The following IAPP variants were observed in gnomAD, a reference collection of about 807,000 sequenced individuals.
The protein encoded by IAPP is islet amyloid polypeptide.
A neutral mutation model predicts 2.9 loss-of-function variants in IAPP; 4 were observed. That is an observed-to-expected ratio of 1.39 (90% CI 0.69 to 3.19). IAPP has a LOEUF of 3.19. Ranked by LOEUF, IAPP falls within the 30% of genes most tolerant of loss-of-function variation. IAPP has a pLI of 0.01. For synonymous variants in IAPP, 40 were observed against 42.1 expected, an observed-to-expected ratio of 0.95 and a Z score of 0.19; for missense variants, 114 against 105.3, an observed-to-expected ratio of 1.08 and a Z score of -0.36.
At chr12:21,363,563 G>A (rs922819512) in intron 1 of IAPP, among the ~76,000 whole-genome samples, 4 of 152,100 alleles carry the variant, frequency 2.6e-5, no homozygotes, top group African/African-American at 9.7e-5. Context: ...AACTGAAGTA[G>A]ATAGAGACAC....
At chr12:21,371,777 C>T (rs1456544425), upstream of IAPP, among the ~76,000 whole-genome samples, 4 of 151,932 alleles carry the variant, frequency 2.6e-5, no homozygotes, top group East Asian at 1.9e-4. Context: ...CAGAAGTGGG[C>T]GGATCACCTG....
In IAPP at chr12:21,373,562, T is replaced by C. The variant is rs1032048961; in HGVS notation, c.80+131T>C. On this transcript the variant is annotated intron_variant, in intron 2 of 2. Transcript: ENST00000240652. ...TACTTAAGAACAGTACCTTCAGCTA[T>C]TCCATTGTTCCTTGAATTCTGTGTT... is the stretch of plus-strand genomic sequence containing the variant. 51 of 720,216 alleles carry C rather than the reference T, an allele frequency of 7.1e-5. 1 individual carries two copies. The South Asian group carries it at 7.3e-4, about 10-fold the overall frequency. The allele number at this position is 720,216 out of a possible 1,614,324, so 44.6% of individuals were successfully genotyped here. A position where few individuals can be genotyped will look rare whatever the true frequency, so the allele number is the denominator to read the frequency against.
chr12:21,371,900 G>A (rs1029039666), upstream of IAPP, among the ~76,000 whole-genome samples: 2 of 152,058 alleles, frequency 1.3e-5, no homozygotes, highest in Non-Finnish European at 2.9e-5. Flanking sequence ...TACTCTGTAG[G>A]CTGAGGCAGG....
chr12:21,377,778 C>T (rs1591899686), intron 2 of IAPP, among the ~76,000 whole-genome samples: 1 of 152,264 alleles, frequency 6.6e-6, no homozygotes, highest in Non-Finnish European at 1.5e-5. Flanking sequence ...ATTCAATTAT[C>T]TCAAGGAACT....
chr12:21,377,461 A>G (rs1039182668), intron 2 of IAPP, among the ~76,000 whole-genome samples: 4 of 152,198 alleles, frequency 2.6e-5, no homozygotes, highest in Admixed American at 2.6e-4. Context: ...AGCATGCAAT[A>G]CATTATTCTG....
intron 1 of IAPP, among the ~76,000 whole-genome samples, chr12:21,363,960 C>T (rs1297830316): frequency 6.6e-6 from 1 of 152,124 alleles, no homozygotes; most frequent in African/African-American, 2.4e-5. Flanking sequence ...CCGAATTCTA[C>T]CAGAGGTAAA....
At chr12:21,374,027 A>T (rs1940000916) in intron 2 of IAPP, among the ~76,000 whole-genome samples, 1 of 152,186 alleles carries the variant, frequency 6.6e-6, no homozygotes, top group South Asian at 2.1e-4. Context: ...TGTGAGTGAA[A>T]CAGATTTATA....
chr12:21,378,325 G>A lies in IAPP; in HGVS notation c.169G>A (p.Gly57Ser), dbSNP rs1466929132. Residue 57 changes from glycine (G) to serine (S), a missense_variant, in exon 3 of 3, where the codon GGT (glycine) becomes AGT (serine). Physicochemically the swap from Gly to Ser is moderately conservative, Grantham distance 56. Coordinates refer to ENST00000240652, the MANE Select transcript of IAPP (RefSeq NM_000415.3). ...TTTAGTTCATTCCAGCAACAACTTT[G>A]GTGCCATTCTCTCATCTACCAACGT... The part of the protein sequence containing the change: ...NFLVHSSNNF[G>S]AILSSTNVGS... The A allele has an allele frequency of 6.2e-7, 1 of 1,614,134 alleles. No individual in the cohort carries two copies.
intron 1 of IAPP, among the ~76,000 whole-genome samples, chr12:21,359,427 G>A (rs939097921): frequency 1.3e-5 from 2 of 151,342 alleles, no homozygotes; most frequent in Admixed American, 6.6e-5. Context: ...ACCTGAAATC[G>A]CCTGGCTAAA....
intron 1 of IAPP, among the ~76,000 whole-genome samples, chr12:21,362,919 G>T (rs983987219): frequency 6.6e-6 from 1 of 152,110 alleles, no homozygotes; most frequent in African/African-American, 2.4e-5. Context: ...CCTACAAAGA[G>T]ACTTAGACTC....
chr12:21,371,169 G>A (rs1215130747), upstream of IAPP, among the ~76,000 whole-genome samples: 1 of 152,284 alleles, frequency 6.6e-6, no homozygotes, highest in East Asian at 1.9e-4. Flanking sequence ...TCATTGCCCT[G>A]GAAAGAGGCA....
upstream of IAPP, among the ~76,000 whole-genome samples, chr12:21,372,688 GAC>G (rs1282398689): frequency 4.6e-5 from 7 of 152,174 alleles, no homozygotes; most frequent in Non-Finnish European, 5.9e-5. Context: ...TGCTGTGTAT[GAC>G]ACACCATTAA....
rs187367763 is a variant in IAPP at position 21,377,540 on chromosome 12, C to T, written c.81-697C>T. On this transcript the variant is annotated intron_variant, in intron 2 of 2. Transcript: ENST00000240652. ...CATCTTGCTTGACTGAAGCTGTACA[C>T]CCAATGGTTAGTAACTCCCTATTTC... Among the ~76,000 whole-genome samples the T allele has an allele frequency of 4.3e-3, 653 of 152,272 alleles. 6 individuals carry two copies. The highest frequency in any genetic ancestry group is 0.015 in the African/African-American group (626 of 41,546).
upstream of IAPP, among the ~76,000 whole-genome samples, chr12:21,368,465 G>C (rs955728797): frequency 7.4e-6 from 1 of 134,548 alleles, no homozygotes; most frequent in Non-Finnish European, 1.6e-5. Flanking sequence ...CAACAAACCA[G>C]TTAAATTTTT....
upstream of IAPP, among the ~76,000 whole-genome samples, chr12:21,368,212 T>C (rs1401487995): frequency 6.6e-6 from 1 of 152,092 alleles, no homozygotes; most frequent in Non-Finnish European, 1.5e-5. Context: ...ACCAAAATAA[T>C]GGAAGCCGAA....
chr12:21,377,777 T>C (rs1940309482), intron 2 of IAPP, among the ~76,000 whole-genome samples: 1 of 152,220 alleles, frequency 6.6e-6, no homozygotes, highest in Non-Finnish European at 1.5e-5. Flanking sequence ...GATTCAATTA[T>C]CTCAAGGAAC....
At chr12:21,368,365 T>C (rs1172978707), upstream of IAPP, among the ~76,000 whole-genome samples, 1 of 152,076 alleles carries the variant, frequency 6.6e-6, no homozygotes, top group Non-Finnish European at 1.5e-5. Flanking sequence ...ATTTTTTAAA[T>C]ATCAGTAATG....
chr12:21,373,684 G>A (rs1939969985), intron 2 of IAPP: 1 of 701,538 alleles, frequency 1.4e-6, no homozygotes, highest in Non-Finnish European at 2.6e-6. Flanking sequence ...ATATACTCTT[G>A]GAACTTAGAG....
Position 21,355,544 on chromosome 12 carries a change from G to C in IAPP, c.-16+531G>C, listed in dbSNP as rs577880197. 1.3e-5 allele frequency among the ~76,000 whole-genome samples: 2 copies of C among 152,272 alleles called. 1 individual carries two copies. Among genetic ancestry groups the C allele is most frequent in the South Asian group, 4.1e-4 (2 of 4,826 alleles). On this transcript the variant is annotated intron_variant, in intron 1 of 2. Coordinates refer to the IAPP transcript ENST00000539393. ...AAACTTTGAGTCTGTCTCAAGGTTA[G>C]GGAGCTGATGTGAGTTTCCTATATT...
Sources: gnomAD v4.1 joint callset for allele counts (sites outside exome capture counted in the v4.1 genomes callset) on GRCh38, gnomAD v4.1.1 for gene constraint, MANE v1.5 for transcripts, NCBI Gene and HGNC (gene_info 2026-07-23, HGNC 2026-07-21) for gene names.